Variants in CEP44 observed in about 807,000 individuals in gnomAD.
CEP44 encodes the protein centrosomal protein 44.
CEP44 carries 45 observed loss-of-function variants against 46.7 expected under a neutral mutation model. The ratio of observed to expected loss-of-function variants is 0.96; its 90% CI spans 0.76 to 1.24. CEP44 has a LOEUF of 1.24. Among genes scored for constraint, CEP44 ranks in the 50% most tolerant of loss-of-function variants. The pLI, the probability that CEP44 is intolerant of heterozygous loss-of-function variation, is 0.00. For missense variants in CEP44, 475 were observed against 459.7 expected, an observed-to-expected ratio of 1.03 and a Z score of -0.30; for synonymous variants, 142 against 146.0, an observed-to-expected ratio of 0.97 and a Z score of 0.20.
At chr4:174,291,272 A>AT (rs1490100718) in intron 1 of CEP44, among the ~76,000 whole-genome samples, 14 of 150,368 alleles carry the variant, frequency 9.3e-5, no homozygotes, top group Admixed American at 5.3e-4. Context: ...GAATGCTTTG[A>AT]TTTTTTTCTT....
At chr4:174,284,749 C>T (rs1025808154) in intron 1 of CEP44, among the ~76,000 whole-genome samples, 1 of 152,212 alleles carries the variant, frequency 6.6e-6, no homozygotes, top group Non-Finnish European at 1.5e-5. Context: ...AGACCTTTCT[C>T]CTATCTCTTA....
Position 174,299,171 on chromosome 4 carries a change from T to A in CEP44, c.50T>A (p.Leu17His). The change falls in exon 3 of 12, where the codon CTC becomes CAC. Residue 17 changes from leucine to histidine, a missense_variant. Transcript: ENST00000503780. Reference sequence around the variant, plus strand: ...AGCTTACGGAACCTAGAACAGGTGCTCCGCTTGCTAAATTATCCTGAAGAG... The same window carrying A: ...AGCTTACGGAACCTAGAACAGGTGCACCGCTTGCTAAATTATCCTGAAGAG... ...KRSLRNLEQV[L>H]RLLNYPEEVD... The A allele has an allele frequency of 6.2e-7, 1 of 1,613,824 alleles. No homozygotes were observed. The highest frequency in any genetic ancestry group is 8.5e-7 in the Non-Finnish European group (1 of 1,179,764).
intron 10 of CEP44, 111 bp from the exon 11 acceptor site, chr4:174,316,419 T>C (rs1741720403): frequency 7.4e-7 from 1 of 1,350,284 alleles, no homozygotes; most frequent in African/African-American, 1.5e-5. Flanking sequence ...CTTTCATAAG[T>C]AAACAGTACT....
Position 174,311,852 on chromosome 4 carries a change from C to T in CEP44, c.961+994C>T, listed in dbSNP as rs1490476334. 6.6e-6 allele frequency among the ~76,000 whole-genome samples: 1 copy of T among 152,136 alleles called. No homozygotes were observed. Among genetic ancestry groups the T allele is most frequent in the Non-Finnish European group, 1.5e-5 (1 of 68,020 alleles). Reference sequence around the variant, plus strand: ...TTTGGAGCACATATCAATATCATTGCACAAAGAACAATTTCAGTGATTAGC... The same window carrying T: ...TTTGGAGCACATATCAATATCATTGTACAAAGAACAATTTCAGTGATTAGC... On this transcript the variant is annotated intron_variant, in intron 9 of 11. Coordinates refer to ENST00000503780, the MANE Select transcript of CEP44 (RefSeq NM_001040157.3). The surrounding 1 kb of genome is among the most constrained non-coding windows in gnomAD (Gnocchi z 4.4).
At chr4:174,292,643 CTGT>C (rs1738369902) in intron 1 of CEP44, among the ~76,000 whole-genome samples, 1 of 152,062 alleles carries the variant, frequency 6.6e-6, no homozygotes, top group African/African-American at 2.4e-5. Context: ...TTGATTGAGT[CTGT>C]TGTTGAAGCC....
chr4:174,294,040 T>C (rs544840702), intron 1 of CEP44, among the ~76,000 whole-genome samples: 96 of 152,020 alleles, frequency 6.3e-4, no homozygotes, highest in African/African-American at 1.9e-3. Context: ...ACAATCCATA[T>C]ATCCTCTTTT....
At position 174,301,891 on chromosome 4, in the gene CEP44, A is replaced by G. The variant is rs539009117; in HGVS notation, c.90-148A>G. The G allele has an allele frequency of 1.0e-4, 69 of 675,322 alleles. No homozygotes were observed. In the African/African-American group the frequency reaches 1.1e-3, roughly 11 times the overall value. 41.8% of individuals were successfully genotyped at this position (675,322 alleles called of 1,614,324 possible). On this transcript the variant is annotated intron_variant, in intron 3 of 11. Transcript: ENST00000503780. The surrounding 1 kb of genome is among the most constrained non-coding windows in gnomAD (Gnocchi z 4.3). The stretch of plus-strand genomic sequence containing the variant: ...GTTTCAAATGGGGAATGGAATCTAG[A>G]AAGTCTCATGTATCACCTAATTATT...
rs982603288 is a variant in CEP44 at position 174,331,044 on chromosome 4, T to C, written c.1087-438T>C. On this transcript the variant is annotated intron_variant, in intron 8 of 8. Coordinates refer to the CEP44 transcript ENST00000426172. This position sits in a 1 kb window ranked among gnomAD's most constrained non-coding sequence, Gnocchi z 4.5. ...GATATGCAGTGGTTAAGGCACTTGA[T>C]ATCTACTGATGTCTTTACACCCATA... 2.6e-5 allele frequency among the ~76,000 whole-genome samples: 4 copies of C among 152,222 alleles called. No individual in the cohort carries two copies. The highest frequency in any genetic ancestry group is 5.9e-5 in the Non-Finnish European group (4 of 68,030).
At chr4:174,294,334 A>G (rs1432526131) in intron 1 of CEP44, among the ~76,000 whole-genome samples, 1 of 152,026 alleles carries the variant, frequency 6.6e-6, no homozygotes, top group Non-Finnish European at 1.5e-5. Context: ...GACACAGCAC[A>G]TGTTTCAGAG....
At chr4:174,316,033 A>G in intron 9 of CEP44, 133 bp from the exon 10 acceptor site, 1 of 1,087,778 alleles carries the variant, frequency 9.2e-7, no homozygotes, top group Non-Finnish European at 1.3e-6. Flanking sequence ...AGAGTACTAA[A>G]AACTCTTTGA....
At chr4:174,308,362 A>G (rs1022094735) in intron 6 of CEP44, among the ~76,000 whole-genome samples, 1 of 152,182 alleles carries the variant, frequency 6.6e-6, no homozygotes, top group African/African-American at 2.4e-5. Context: ...TATCCTTAGC[A>G]TATTAATGCA....
At chr4:174,323,556 AAC>A (rs1354211951), downstream of CEP44, among the ~76,000 whole-genome samples, 2 of 152,134 alleles carry the variant, frequency 1.3e-5, no homozygotes, top group Admixed American at 6.6e-5. Flanking sequence ...GAGGTGGGAT[AAC>A]ACCCCTCAAA....
rs1738133156 is a variant in CEP44, at chr4:174,290,992, G to T, written c.-147-6974G>T. On this transcript the variant is annotated intron_variant, in intron 1 of 11. Transcript: ENST00000503780. The surrounding 1 kb of genome is among the most constrained non-coding windows in gnomAD (Gnocchi z 4.3). ...CTCTCTTTTGGTTATAGTTTGCATG[G>T]AATATCTTTCTCAATCCCTTCACTT... Among the ~76,000 whole-genome samples, 1 of 152,114 alleles carries T rather than the reference G, an allele frequency of 6.6e-6. No homozygotes were observed. Among genetic ancestry groups the T allele is most frequent in the African/African-American group, 2.4e-5 (1 of 41,418 alleles).
rs564624149 is a variant in CEP44 at position 174,326,989 on chromosome 4, A to G, written c.1087-4493A>G. 9.6e-4 allele frequency among the ~76,000 whole-genome samples: 146 copies of G among 152,038 alleles called. 1 individual carries two copies. Among genetic ancestry groups the G allele is most frequent in the African/African-American group, 3.3e-3 (138 of 41,538 alleles). ...AGAAGAGCTATGTAGAAAAACCAAAATAAACTACAGACAGTTTTTTAGAAT... is the reference window on the plus strand; with the variant it reads ...AGAAGAGCTATGTAGAAAAACCAAAGTAAACTACAGACAGTTTTTTAGAAT... On this transcript the variant is annotated intron_variant, in intron 8 of 8. Transcript: ENST00000426172. The surrounding 1 kb of genome is among the most constrained non-coding windows in gnomAD (Gnocchi z 4.8).
In CEP44 at chr4:174,313,151, A is replaced by G. The variant is rs201205286; in HGVS notation, c.961+2293A>G. ...TATATCTGCTCATTTATGTGGTTAC[A>G]TGGTGCCCTTGTTTTGTCTATGTTC... On this transcript the variant is annotated intron_variant, in intron 9 of 11. Transcript: ENST00000503780. Among the ~76,000 whole-genome samples, 11 of 150,538 alleles carry G rather than the reference A, an allele frequency of 7.3e-5. No homozygotes were observed. In the East Asian group the frequency reaches 2.1e-3, roughly 29 times the overall value.
chr4:174,294,634 C>A (rs1211032520), intron 1 of CEP44, among the ~76,000 whole-genome samples: 1 of 148,948 alleles, frequency 6.7e-6, no homozygotes, highest in South Asian at 2.1e-4. Context: ...GCAGAGGCGC[C>A]CCTCACCTCC....
chr4:174,310,759 A>G lies in CEP44; in HGVS notation c.886-24A>G. 2 of 1,095,708 alleles carry G rather than the reference A, an allele frequency of 1.8e-6. No individual in the cohort carries two copies. Among genetic ancestry groups the G allele is most frequent in the Non-Finnish European group, 2.7e-6 (2 of 735,964 alleles). 67.9% of individuals were successfully genotyped at this position (1,095,708 alleles called of 1,614,324 possible). A position where few individuals can be genotyped will look rare whatever the true frequency, so the allele number is the denominator to read the frequency against. On this transcript the variant is annotated intron_variant, in intron 8 of 11. Transcript: ENST00000503780. This position sits in a 1 kb window ranked among gnomAD's most constrained non-coding sequence, Gnocchi z 4.2. ...AGGGTTTTTCTTTTTATTTCATTCT[A>G]AATATTTAACTGTGTTATTCCAGAA...
chr4:174,303,913 G>A (rs1000964492), intron 5 of CEP44, 64 bp downstream of exon 5: 6 of 1,141,918 alleles, frequency 5.3e-6, no homozygotes, highest in Non-Finnish European at 7.3e-6. Flanking sequence ...GTATTTTAAT[G>A]TATAAAATCA....
intron 1 of CEP44, among the ~76,000 whole-genome samples, chr4:174,289,311 T>A (rs556816493): frequency 5.5e-5 from 8 of 144,220 alleles, no homozygotes; most frequent in Admixed American, 2.7e-4. Context: ...TTTTTTTTTT[T>A]AGATATGTTT....
Sources: gnomAD v4.1 joint callset for allele counts (sites outside exome capture counted in the v4.1 genomes callset) on GRCh38, gnomAD v4.1.1 for gene constraint, Gnocchi (gnomAD v3.1) non-coding constraint, MANE v1.5 for transcripts, NCBI Gene and HGNC (gene_info 2026-07-23, HGNC 2026-07-21) for gene names.